Variants in ICA1 observed in about 807,000 individuals in gnomAD.
ICA1 encodes islet cell autoantigen 1.
ICA1 carries 40 observed loss-of-function variants against 71.0 expected under a neutral mutation model. That is an observed-to-expected ratio of 0.56 (90% CI 0.44 to 0.73). ICA1 has a LOEUF of 0.73. ICA1 is among the 30% of genes least tolerant of loss of function. ICA1 has a pLI of 0.00. For synonymous variants in ICA1, 207 were observed against 209.5 expected (o/e 0.99, Z 0.10); for missense variants, 578 against 576.5 (o/e 1.00, Z -0.03).
intron 12 of ICA1, among the ~76,000 whole-genome samples, chr7:8,131,131 C>G (rs1791295619): frequency 1.3e-5 from 2 of 152,168 alleles, no homozygotes; most frequent in South Asian, 4.1e-4. Context: ...TTTGGGATTC[C>G]AAGCTCTAAA....
At chr7:8,124,269 C>T (rs1441962675) in intron 13 of ICA1, among the ~76,000 whole-genome samples, 2 of 151,730 alleles carry the variant, frequency 1.3e-5, no homozygotes, top group East Asian at 1.9e-4. Flanking sequence ...TACAGGCACG[C>T]ACCAGCATGC....
intron 2 of ICA1, among the ~76,000 whole-genome samples, chr7:8,235,130 C>T (rs1801446644): frequency 6.6e-6 from 1 of 151,770 alleles, no homozygotes; most frequent in African/African-American, 2.4e-5. Context: ...CACCACTGAA[C>T]TCCAGCCTGG....
At chr7:8,128,292 C>T in intron 12 of ICA1, 150 bp from the exon 13 acceptor site, 2 of 798,150 alleles carry the variant, frequency 2.5e-6, no homozygotes, top group Non-Finnish European at 3.9e-6. Flanking sequence ...TTATTATAGC[C>T]TCTCTTAAGA....
chr7:8,150,519 T>C (rs1433314423), intron 8 of ICA1, among the ~76,000 whole-genome samples: 1 of 152,240 alleles, frequency 6.6e-6, no homozygotes, highest in African/African-American at 2.4e-5. Context: ...GTGAACTGAC[T>C]TGCTTCAGGC....
intron 13 of ICA1, among the ~76,000 whole-genome samples, chr7:8,117,707 T>A (rs1268309872): frequency 6.6e-6 from 1 of 152,176 alleles, no homozygotes; most frequent in African/African-American, 2.4e-5. Flanking sequence ...CGTCACAGTG[T>A]TTTTTAAGGA....
chr7:8,238,131 G>C (rs1802478736), intron 1 of ICA1, among the ~76,000 whole-genome samples: 1 of 152,088 alleles, frequency 6.6e-6, no homozygotes, highest in Non-Finnish European at 1.5e-5. Flanking sequence ...ATCTCTCTGA[G>C]ATCCTGTATT....
intron 12 of ICA1, among the ~76,000 whole-genome samples, chr7:8,131,389 C>T (rs1224386600): frequency 6.6e-6 from 1 of 152,208 alleles, no homozygotes; most frequent in Non-Finnish European, 1.5e-5. Context: ...TTTACTAATA[C>T]ATATCCTATT....
intron 1 of ICA1, among the ~76,000 whole-genome samples, chr7:8,241,922 C>T (rs1804063225): frequency 6.6e-6 from 1 of 152,142 alleles, no homozygotes; most frequent in Non-Finnish European, 1.5e-5. Flanking sequence ...AAAGCAAATC[C>T]TTCAAGACCT....
At chr7:8,141,838 T>C in intron 9 of ICA1, 21 bp from the exon 10 acceptor site, 2 of 1,519,376 alleles carry the variant, frequency 1.3e-6, no homozygotes, top group East Asian at 2.3e-5. Flanking sequence ...AAAAGAGGTT[T>C]AGTCATCAAC....
At chr7:8,219,097 A>G (rs13236587) in intron 5 of ICA1, 1 of 159,068 alleles carries the variant, frequency 6.3e-6, no homozygotes, top group Non-Finnish European at 1.4e-5. Context: ...TGTTAAAAAA[A>G]CCTTGAGGAT....
At chr7:8,181,516 A>G (rs1782183426) in intron 6 of ICA1, among the ~76,000 whole-genome samples, 1 of 152,116 alleles carries the variant, frequency 6.6e-6, no homozygotes, top group African/African-American at 2.4e-5. Context: ...TACTAGCAGG[A>G]TTTTGAATGG....
intron 6 of ICA1, among the ~76,000 whole-genome samples, chr7:8,190,071 T>C (rs2128295081): frequency 6.6e-6 from 1 of 152,330 alleles, no homozygotes; most frequent in East Asian, 1.9e-4. Context: ...CTGGCAACCC[T>C]TTACTTTTGC....
At chr7:8,131,496 T>A (rs1791425455) in intron 12 of ICA1, among the ~76,000 whole-genome samples, 1 of 152,122 alleles carries the variant, frequency 6.6e-6, no homozygotes, top group African/African-American at 2.4e-5. Flanking sequence ...TACACTGAGG[T>A]CTACCAATGA....
chr7:8,186,982 G>A (rs1019569905), intron 6 of ICA1, among the ~76,000 whole-genome samples: 11 of 152,098 alleles, frequency 7.2e-5, no homozygotes, highest in Admixed American at 5.2e-4. Context: ...TGTTTATGTT[G>A]TGCTTAATAT....
At chr7:8,231,552 T>C (rs1462101746) in intron 3 of ICA1, among the ~76,000 whole-genome samples, 1 of 152,212 alleles carries the variant, frequency 6.6e-6, no homozygotes, top group African/African-American at 2.4e-5. Flanking sequence ...TTAATATCTC[T>C]ATTTCATGCA....
chr7:8,147,491 C>G (rs1267989735), intron 8 of ICA1, among the ~76,000 whole-genome samples: 1 of 152,008 alleles, frequency 6.6e-6, no homozygotes, highest in Non-Finnish European at 1.5e-5. Context: ...TGTTGCAGCT[C>G]AAGACAGGTG....
chr7:8,158,962 G>C (rs1407665961), intron 6 of ICA1, among the ~76,000 whole-genome samples: 1 of 152,196 alleles, frequency 6.6e-6, no homozygotes, highest in African/African-American at 2.4e-5. Context: ...GAGACAAGCA[G>C]GGTGGTGAGG....
intron 6 of ICA1, among the ~76,000 whole-genome samples, chr7:8,196,083 T>C (rs1235745420): frequency 1.3e-5 from 2 of 152,204 alleles, no homozygotes; most frequent in African/African-American, 2.4e-5. Context: ...TCTTTATTCA[T>C]AGTTGCCAAA....
At chr7:8,218,753 C>A (rs968346956) in intron 5 of ICA1, 1 of 517,390 alleles carries the variant, frequency 1.9e-6, no homozygotes, top group South Asian at 2.0e-5. Flanking sequence ...CACCTCCATC[C>A]GCGTTGTTGG....
Sources: allele counts gnomAD v4.1 joint callset (sites outside exome capture counted in the v4.1 genomes callset), GRCh38; gene constraint gnomAD v4.1.1; transcripts MANE v1.5; gene names NCBI Gene and HGNC (gene_info 2026-07-23, HGNC 2026-07-21).